The following TRIM14 variants were observed in gnomAD, a reference collection of about 807,000 sequenced individuals.
TRIM14 encodes the protein tripartite motif-containing protein 14.
Under a neutral mutation model 44.5 loss-of-function variants are expected in TRIM14, and 28 were observed. That is an observed-to-expected ratio of 0.63 (90% CI 0.47 to 0.86). The LOEUF (loss-of-function observed/expected upper bound fraction) is 0.86. Among genes scored for constraint, TRIM14 ranks in the 40% least tolerant of loss-of-function variants. The pLI, the probability that TRIM14 is intolerant of heterozygous loss-of-function variation, is 0.00. For missense variants in TRIM14, 607 were observed against 611.1 expected, an observed-to-expected ratio of 0.99 and a Z score of 0.07; for synonymous variants, 299 against 269.2, an observed-to-expected ratio of 1.11 and a Z score of -1.08.
the TRIM14 span, among the ~76,000 whole-genome samples, chr9:98,037,818 T>C: frequency 1.8e-4 from 27 of 152,144 alleles, no homozygotes; most frequent in Non-Finnish European, 2.9e-4. Context: ...GCACTCTGGG[T>C]ACTCTAGCTT....
chr9:98,048,244 G>A, the TRIM14 span, among the ~76,000 whole-genome samples: 1 of 152,114 alleles, frequency 6.6e-6, no homozygotes, highest in South Asian at 2.1e-4. Flanking sequence ...TTTGGGATCT[G>A]AGATCTGGTC....
In TRIM14 at chr9:98,087,879, G is replaced by T; in HGVS notation, c.920C>A (p.Ala307Glu). The T allele has an allele frequency of 6.4e-7, 1 of 1,568,168 alleles. No individual in the cohort carries two copies. Residue 307 changes from alanine (A) to glutamate (E), a missense_variant, in exon 6 of 6, where the codon GCG (alanine) becomes GAG (glutamate). By Grantham distance (107) the Ala-to-Glu change is moderately radical (BLOSUM62 -1). Coordinates refer to ENST00000341469, the MANE Select transcript of TRIM14 (RefSeq NM_014788.4). Reference protein sequence around the residue: ...LGPVPVLRFDALWQVLARDCF... With the variant: ...LGPVPVLRFDELWQVLARDCF... The stretch of plus-strand genomic sequence containing the variant: ...GTCACGAGCCAGCACTTGCCAGAGC[G>T]CGTCGAACCGCAGCACGGGCACGGG...
the TRIM14 span, among the ~76,000 whole-genome samples, chr9:98,044,767 A>G: frequency 6.6e-6 from 1 of 152,174 alleles, no homozygotes; most frequent in South Asian, 2.1e-4. Flanking sequence ...TACACAGACA[A>G]GCCAAATTGA....
intron 1 of TRIM14, among the ~76,000 whole-genome samples, chr9:98,111,124 A>G (rs146612987): frequency 6.6e-6 from 1 of 152,082 alleles, no homozygotes; most frequent in Non-Finnish European, 1.5e-5. Context: ...CTTCCAGGTC[A>G]GGGAAGGATC....
chr9:98,118,333 G>C (rs1239250165), intron 1 of TRIM14, among the ~76,000 whole-genome samples: 1 of 152,162 alleles, frequency 6.6e-6, no homozygotes, highest in Non-Finnish European at 1.5e-5. Context: ...CTGGCTAATG[G>C]AGTCCTGGGT....
Position 98,088,020 on chromosome 9 carries a change from A to G in TRIM14, c.794-15T>C, listed in dbSNP as rs1226604193. ...CGTGCGCGCGTCTGCAGGGGGCGAG[A>G]CAAGGGACGCACCTGGTGGGCGGGG... On this transcript the variant is annotated splice_polypyrimidine_tract_variant and intron_variant, in intron 5 of 5. Transcript: ENST00000341469. The G allele has an allele frequency of 1.3e-6, 2 of 1,500,170 alleles. No homozygotes were observed. The highest frequency in any genetic ancestry group is 1.8e-6 in the Non-Finnish European group (2 of 1,138,450). 92.9% of individuals were successfully genotyped at this position (1,500,170 alleles called of 1,614,324 possible).
At chr9:98,106,869 A>G (rs1441401069) in intron 2 of TRIM14, among the ~76,000 whole-genome samples, 1 of 141,834 alleles carries the variant, frequency 7.1e-6, no homozygotes, top group Non-Finnish European at 1.5e-5. Flanking sequence ...TCTGTCACCC[A>G]GGCTGGAGTG....
intron 5 of TRIM14, among the ~76,000 whole-genome samples, chr9:98,090,154 G>T (rs945459266): frequency 6.6e-6 from 1 of 152,134 alleles, no homozygotes; most frequent in Non-Finnish European, 1.5e-5. Context: ...TGAAAGGAAA[G>T]AATAAAGATC....
intron 6 of TRIM14, among the ~76,000 whole-genome samples, chr9:98,072,670 A>G (rs1564161119): frequency 6.6e-6 from 1 of 152,034 alleles, no homozygotes; most frequent in South Asian, 2.1e-4. Context: ...CGGCCTCCCA[A>G]AGTGCTGGGA....
chr9:98,080,553 T>C (rs1022781486), downstream of TRIM14, among the ~76,000 whole-genome samples: 16 of 152,252 alleles, frequency 1.1e-4, no homozygotes, highest in African/African-American at 3.6e-4. Context: ...TGTGAAACAT[T>C]CTTAAAATGC....
chr9:98,106,818 C>CT (rs145577059), intron 2 of TRIM14, among the ~76,000 whole-genome samples: 83,670 of 143,660 alleles, frequency 0.58, 24,470 homozygotes, highest in East Asian at 0.7. Flanking sequence ...TTTTTCTTTT[C>CT]TTTCTTCTTT....
At chr9:98,112,797 C>CAAAAAAA (rs34150823) in intron 1 of TRIM14, among the ~76,000 whole-genome samples, 1 of 68,402 alleles carries the variant, frequency 1.5e-5, no homozygotes, top group Non-Finnish European at 2.7e-5. Flanking sequence ...GACTCAATCT[C>CAAAAAAA]AAAAAAAAAA....
chr9:98,057,270 C>T, the TRIM14 span, among the ~76,000 whole-genome samples: 1 of 152,204 alleles, frequency 6.6e-6, no homozygotes, highest in African/African-American at 2.4e-5. Context: ...CGGGTAGAGT[C>T]GAAACCCTTT....
At chr9:98,083,136 G>A (rs945615438), downstream of TRIM14, 3 of 1,369,082 alleles carry the variant, frequency 2.2e-6, no homozygotes, top group Admixed American at 1.9e-5. Flanking sequence ...GGCAGGAATG[G>A]CGGTCTCCAG....
the TRIM14 span, among the ~76,000 whole-genome samples, chr9:98,060,386 C>T: frequency 2.6e-5 from 4 of 152,204 alleles, no homozygotes; most frequent in South Asian, 2.1e-4. Context: ...ATGGTGATGT[C>T]GGCTGGGCGC....
At chr9:98,094,024 G>A (rs567969141) in intron 4 of TRIM14, among the ~76,000 whole-genome samples, 4 of 152,146 alleles carry the variant, frequency 2.6e-5, no homozygotes, top group African/African-American at 7.2e-5. Context: ...GATTACAGGC[G>A]TGAGCCACCA....
chr9:98,072,472 C>T (rs867758059), intron 6 of TRIM14, among the ~76,000 whole-genome samples: 3 of 150,472 alleles, frequency 2.0e-5, no homozygotes, highest in African/African-American at 2.5e-5. Context: ...AGTGCAGTTG[C>T]GCAATCTCTG....
intron 5 of TRIM14, among the ~76,000 whole-genome samples, chr9:98,090,560 CTTTT>C (rs56909266): frequency 1.7e-4 from 21 of 124,242 alleles, no homozygotes; most frequent in African/African-American, 5.9e-4. Flanking sequence ...GATTTGTGCA[CTTTT>C]TTTTTTTTTT....
chr9:98,056,750 G>A, the TRIM14 span: 4 of 1,579,022 alleles, frequency 2.5e-6, no homozygotes, highest in Non-Finnish European at 3.4e-6. Context: ...GAGTAGAGGC[G>A]GCGGCGGCGG....
Sources: allele counts gnomAD v4.1 joint callset (sites outside exome capture counted in the v4.1 genomes callset), GRCh38; gene constraint gnomAD v4.1.1; transcripts MANE v1.5; gene names NCBI Gene and HGNC (gene_info 2026-07-23, HGNC 2026-07-21).